HPSE2: variants seen among roughly 807,000 people sequenced by gnomAD.
The protein encoded by HPSE2 is heparanase 2 (inactive), also known as inactive heparanase-2.
HPSE2 carries 38 observed loss-of-function variants against 60.5 expected under a neutral mutation model. That is an observed-to-expected ratio of 0.63 (90% confidence interval 0.48 to 0.82). The LOEUF (loss-of-function observed/expected upper bound fraction) is 0.82. HPSE2 is among the 40% of genes least tolerant of loss of function. The pLI, the probability that HPSE2 is intolerant of heterozygous loss-of-function variation, is 0.00. For synonymous variants in HPSE2, 295 were observed against 293.2 expected (o/e 1.01, Z -0.06); for missense variants, 713 against 740.4 (o/e 0.96, Z 0.43).
At chr10:99,242,259 G>A in the HPSE2 span, among the ~76,000 whole-genome samples, 7 of 152,150 alleles carry the variant, frequency 4.6e-5, no homozygotes, top group African/African-American at 1.7e-4. Context: ...GTTTGTTATT[G>A]AAAATACCTG....
chr10:99,109,062 G>A (rs1844358888), intron 3 of HPSE2, among the ~76,000 whole-genome samples: 1 of 152,128 alleles, frequency 6.6e-6, no homozygotes, highest in African/African-American at 2.4e-5. Context: ...ACCATTTTGT[G>A]AGTGACAACC....
At chr10:98,981,391 T>G (rs919631498) in intron 3 of HPSE2, among the ~76,000 whole-genome samples, 1 of 152,150 alleles carries the variant, frequency 6.6e-6, no homozygotes, top group African/African-American at 2.4e-5. Context: ...TAACTCTGGC[T>G]CTACCAAGTG....
At chr10:99,118,319 C>T (rs905225933) in intron 3 of HPSE2, among the ~76,000 whole-genome samples, 3 of 151,682 alleles carry the variant, frequency 2.0e-5, no homozygotes, top group African/African-American at 2.4e-5. Flanking sequence ...GTCAGGAGAT[C>T]GAGACCATCC....
At chr10:99,291,752 C>T in the HPSE2 span, among the ~76,000 whole-genome samples, 1 of 152,152 alleles carries the variant, frequency 6.6e-6, no homozygotes, top group Non-Finnish European at 1.5e-5. Context: ...CTAGGCCCAT[C>T]ACCCAGACAA....
At chr10:99,053,988 G>A (rs989864084) in intron 3 of HPSE2, among the ~76,000 whole-genome samples, 8 of 151,238 alleles carry the variant, frequency 5.3e-5, no homozygotes, top group Non-Finnish European at 5.9e-5. Flanking sequence ...TGCCCGCCTC[G>A]GCCTCCCAAA....
At chr10:98,461,418 C>A (rs1404433300) in intron 11 of HPSE2, among the ~76,000 whole-genome samples, 1 of 152,160 alleles carries the variant, frequency 6.6e-6, no homozygotes, top group Non-Finnish European at 1.5e-5. Flanking sequence ...GAATTGAGAT[C>A]TGAAGGTCAG....
At chr10:99,213,877 A>C (rs1849030922) in intron 2 of HPSE2, among the ~76,000 whole-genome samples, 1 of 152,228 alleles carries the variant, frequency 6.6e-6, no homozygotes, top group Non-Finnish European at 1.5e-5. Context: ...CAAATTAAAA[A>C]ACATTTGTTC....
intron 3 of HPSE2, among the ~76,000 whole-genome samples, chr10:99,136,188 G>C (rs973075111): frequency 5.3e-5 from 8 of 152,086 alleles, no homozygotes; most frequent in Non-Finnish European, 1.2e-4. Flanking sequence ...GTCTAAACCA[G>C]GAAGAAGTCG....
At chr10:98,750,140 A>T (rs183114705) in intron 3 of HPSE2, among the ~76,000 whole-genome samples, 1 of 151,970 alleles carries the variant, frequency 6.6e-6, no homozygotes, top group African/African-American at 2.4e-5. Flanking sequence ...CAGAGACCCA[A>T]TGGAAAGAAG....
At chr10:99,277,201 C>A in the HPSE2 span, among the ~76,000 whole-genome samples, 1 of 152,184 alleles carries the variant, frequency 6.6e-6, no homozygotes. Context: ...TCTATCATAT[C>A]ATCTTATGGC....
At chr10:98,870,398 C>T (rs1041933373) in intron 3 of HPSE2, among the ~76,000 whole-genome samples, 1 of 152,062 alleles carries the variant, frequency 6.6e-6, no homozygotes, top group African/African-American at 2.4e-5. Context: ...CTTTAAGAAG[C>T]AGGGTAAAGT....
intron 3 of HPSE2, among the ~76,000 whole-genome samples, chr10:99,057,611 C>T (rs1244086883): frequency 6.6e-6 from 1 of 152,144 alleles, no homozygotes; most frequent in Non-Finnish European, 1.5e-5. Flanking sequence ...GGGGATAACT[C>T]CACACTCAGT....
Position 98,942,066 on chromosome 10 carries a change from T to C in HPSE2, c.611-198010A>G, listed in dbSNP as rs1389330836. ...AACTGGATCCCATCCTTACACCTTA[T>C]ACAAAAATTAATTCAAGATGGATTA... On this transcript the variant is annotated intron_variant, in intron 3 of 11. Transcript: ENST00000370552. Among the ~76,000 whole-genome samples the C allele has an allele frequency of 2.0e-4, 28 of 142,256 alleles. 3 individuals are homozygous for C. The highest frequency in any genetic ancestry group is 3.7e-4 in the Non-Finnish European group (25 of 66,790). The allele number at this position is 142,256 out of a possible 152,430, so 93.3% of individuals were successfully genotyped here. A position where few individuals can be genotyped will look rare whatever the true frequency, so the allele number is the denominator to read the frequency against.
chr10:99,106,944 C>T (rs566872615), intron 3 of HPSE2, among the ~76,000 whole-genome samples: 2 of 152,254 alleles, frequency 1.3e-5, no homozygotes, highest in African/African-American at 2.4e-5. Flanking sequence ...GATTTCAGCT[C>T]GCTGCAACCT....
chr10:98,625,669 T>C (rs1425813429), intron 7 of HPSE2, among the ~76,000 whole-genome samples: 2 of 152,208 alleles, frequency 1.3e-5, no homozygotes, highest in Admixed American at 1.3e-4. Context: ...CCAATGTTGC[T>C]ATAGGCTAAA....
At chr10:98,940,625 T>C (rs1032367232) in intron 3 of HPSE2, among the ~76,000 whole-genome samples, 7 of 138,432 alleles carry the variant, frequency 5.1e-5, no homozygotes, top group Admixed American at 2.9e-4. Context: ...CAGGACCAGA[T>C]GGATTCACAG....
At chr10:98,895,248 A>G (rs1953452637) in intron 3 of HPSE2, among the ~76,000 whole-genome samples, 1 of 152,140 alleles carries the variant, frequency 6.6e-6, no homozygotes. Context: ...TTCAGGTAAG[A>G]AAAAAATAGC....
At chr10:98,789,764 T>C (rs918922325) in intron 3 of HPSE2, among the ~76,000 whole-genome samples, 1 of 152,178 alleles carries the variant, frequency 6.6e-6, no homozygotes, top group East Asian at 1.9e-4. Flanking sequence ...TATATCTCCA[T>C]ATCTACCACA....
chr10:98,501,668 C>T (rs1290102274), intron 9 of HPSE2, among the ~76,000 whole-genome samples: 4 of 152,268 alleles, frequency 2.6e-5, no homozygotes, highest in African/African-American at 9.6e-5. Context: ...CTCCTCACTC[C>T]TCTTCAACAT....
Sources: gnomAD v4.1 joint callset for allele counts (sites outside exome capture counted in the v4.1 genomes callset) on GRCh38, gnomAD v4.1.1 for gene constraint, MANE v1.5 for transcripts, NCBI Gene and HGNC (gene_info 2026-07-23, HGNC 2026-07-21) for gene names.